SNAPC1: variants seen among roughly 807,000 people sequenced by gnomAD.
The protein encoded by SNAPC1 is small nuclear RNA activating complex polypeptide 1, also known as snRNA-activating protein complex subunit 1.
In SNAPC1, 42 loss-of-function variants were observed where a neutral mutation model predicts 50.1. The ratio of observed to expected loss-of-function variants is 0.84; its 90% confidence interval spans 0.65 to 1.08. The LOEUF is 1.08. Ranked by LOEUF, SNAPC1 falls within the 50% of genes least tolerant of loss-of-function variation. SNAPC1 has a pLI of 0.00. For synonymous variants in SNAPC1, 164 were observed against 144.2 expected (o/e 1.14, Z -0.98); for missense variants, 477 against 427.3 (o/e 1.12, Z -1.02).
At position 61,782,283 on chromosome 14, in the gene SNAPC1, G is replaced by C. The variant is rs771775109; in HGVS notation, c.862G>C (p.Asp288His). 9 of 1,607,976 alleles carry C rather than the reference G, an allele frequency of 5.6e-6. No individual in the cohort carries two copies. The highest frequency in any genetic ancestry group is 3.4e-5 in the Admixed American group (2 of 58,312). ...AAGAAGGCATCGTCAAGTCAAACTC[G>C]ACTCTTCTGACTCTGATTCTGCATC... ...KSRRHRQVKL[D>H]SSDSDSASGQ... Residue 288 changes from aspartate to histidine, a missense_variant, in exon 8 of 10, where the codon GAC becomes CAC. By Grantham distance (81) the Asp-to-His change is moderately conservative. Transcript: ENST00000216294.
intron 8 of SNAPC1, among the ~76,000 whole-genome samples, chr14:61,790,736 A>G (rs907077034): frequency 2.6e-5 from 4 of 152,078 alleles, no homozygotes; most frequent in Admixed American, 6.5e-5. Flanking sequence ...TCTGAATCCA[A>G]GCCTGATTCT....
At chr14:61,785,876 C>G (rs944802155) in intron 8 of SNAPC1, among the ~76,000 whole-genome samples, 16 of 151,860 alleles carry the variant, frequency 1.1e-4, no homozygotes, top group African/African-American at 3.6e-4. Context: ...AGAGGGATCA[C>G]TTTGAATAGA....
chr14:61,772,814 A>T (rs1484654570), intron 4 of SNAPC1, among the ~76,000 whole-genome samples: 1 of 152,080 alleles, frequency 6.6e-6, no homozygotes, highest in African/African-American at 2.4e-5. Flanking sequence ...ACAAAGGTCT[A>T]CTCTTTTAGA....
chr14:61,787,796 CCTT>C (rs1288666244), intron 8 of SNAPC1, among the ~76,000 whole-genome samples: 4 of 152,188 alleles, frequency 2.6e-5, no homozygotes, highest in Non-Finnish European at 5.9e-5. Flanking sequence ...AGTACGGAGT[CCTT>C]CTCAGGCCAT....
intron 3 of SNAPC1, among the ~76,000 whole-genome samples, chr14:61,767,914 G>C (rs1403576534): frequency 6.6e-6 from 1 of 152,114 alleles, no homozygotes; most frequent in Admixed American, 6.5e-5. Flanking sequence ...TGAGTAGCTG[G>C]GACTACAGGC....
chr14:61,767,030 C>T lies in SNAPC1; in HGVS notation c.283C>T (p.Gln95Ter). ...LYNTQLCQPK[Q>*]KIRVALKDWD... ...TAATACCCAACTGTGTCAACCAAAA[C>T]AAAAGGTAATACTTAGTGAGTTATT... Residue 95 changes from glutamine to a stop codon, truncating the protein, a stop_gained, in exon 2 of 10, where the codon CAA becomes TAA. Coordinates refer to ENST00000216294, the MANE Select transcript of SNAPC1 (RefSeq NM_003082.4). LOFTEE classifies it high-confidence loss of function. 1.9e-6 allele frequency: 3 copies of T among 1,560,754 alleles called. No homozygotes were observed. Among genetic ancestry groups the T allele is most frequent in the Non-Finnish European group, 2.6e-6 (3 of 1,150,360 alleles).
intron 3 of SNAPC1, among the ~76,000 whole-genome samples, chr14:61,767,661 A>G (rs2044958539): frequency 6.6e-6 from 1 of 152,100 alleles, no homozygotes; most frequent in East Asian, 1.9e-4. Context: ...ACAAGGTTTC[A>G]CCATGTTGTC....
intron 6 of SNAPC1, among the ~76,000 whole-genome samples, 171 bp downstream of exon 6, chr14:61,778,311 T>C (rs963302701): frequency 1.3e-5 from 2 of 152,110 alleles, no homozygotes; most frequent in African/African-American, 4.8e-5. Context: ...CAGGTGTAGA[T>C]TGGGAGAGAG....
At chr14:61,779,742 C>G (rs1221668127) in intron 7 of SNAPC1, among the ~76,000 whole-genome samples, 1 of 109,146 alleles carries the variant, frequency 9.2e-6, no homozygotes, top group Non-Finnish European at 1.8e-5. Flanking sequence ...GAGTTTTGCT[C>G]TTGTTGCCCA....
intron 1 of SNAPC1, among the ~76,000 whole-genome samples, chr14:61,763,347 C>G (rs186162515): frequency 5.9e-5 from 9 of 152,106 alleles, no homozygotes; most frequent in Non-Finnish European, 1.0e-4. Context: ...ACTTATTACT[C>G]TGTAGTGGTG....
At chr14:61,772,684 T>C (rs1437081939) in intron 4 of SNAPC1, among the ~76,000 whole-genome samples, 1 of 152,196 alleles carries the variant, frequency 6.6e-6, no homozygotes, top group Non-Finnish European at 1.5e-5. Context: ...GCCACCATGG[T>C]TGTCCGGTTT....
chr14:61,773,362 C>T (rs1434992336), intron 4 of SNAPC1, among the ~76,000 whole-genome samples: 1 of 148,756 alleles, frequency 6.7e-6, no homozygotes, highest in Non-Finnish European at 1.5e-5. Flanking sequence ...CACTAATTAT[C>T]ATAGTAACCC....
At chr14:61,788,316 T>C (rs1265619297) in intron 8 of SNAPC1, among the ~76,000 whole-genome samples, 1 of 152,232 alleles carries the variant, frequency 6.6e-6, no homozygotes, top group Non-Finnish European at 1.5e-5. Flanking sequence ...CCCAAATGCT[T>C]ACTTTGTAGT....
intron 8 of SNAPC1, 57 bp downstream of exon 8, chr14:61,782,454 C>A: frequency 5.1e-6 from 7 of 1,372,824 alleles, no homozygotes; most frequent in Non-Finnish European, 7.0e-6. Context: ...TTATTTACAA[C>A]TTTGCCTCAT....
At chr14:61,777,666 A>C (rs1166763442) in intron 5 of SNAPC1, among the ~76,000 whole-genome samples, 2 of 150,062 alleles carry the variant, frequency 1.3e-5, no homozygotes, top group African/African-American at 4.9e-5. Context: ...GCTGGTTTGG[A>C]ACTCCTGGCC....
At chr14:61,774,617 GCACT>G (rs1811562731) in intron 4 of SNAPC1, among the ~76,000 whole-genome samples, 2 of 144,970 alleles carry the variant, frequency 1.4e-5, no homozygotes, top group South Asian at 4.3e-4. Flanking sequence ...GCATATATGA[GCACT>G]CACTCACCAC....
In SNAPC1 at chr14:61,771,857, G is replaced by A. The variant is rs150565919; in HGVS notation, c.534+3117G>A. 2.1e-3 allele frequency among the ~76,000 whole-genome samples: 318 copies of A among 152,242 alleles called. 1 individual carries two copies. Among genetic ancestry groups the A allele is most frequent in the African/African-American group, 7.4e-3 (308 of 41,540 alleles). On this transcript the variant is annotated intron_variant, in intron 4 of 9. Coordinates refer to ENST00000216294, the MANE Select transcript of SNAPC1 (RefSeq NM_003082.4). The stretch of plus-strand genomic sequence containing the variant: ...TCTTTGTGTAGAGGAGAAATAGAAG[G>A]CAAACAGACCTGATTGCCTGAACTT...
intron 8 of SNAPC1, among the ~76,000 whole-genome samples, chr14:61,783,828 G>A (rs376814087): frequency 2.5e-4 from 38 of 152,080 alleles, no homozygotes; most frequent in Non-Finnish European, 3.1e-4. Flanking sequence ...GTGAGCCACC[G>A]CACCTGGCAA....
intron 1 of SNAPC1, among the ~76,000 whole-genome samples, chr14:61,764,044 C>T (rs1463910297): frequency 6.6e-6 from 1 of 152,150 alleles, no homozygotes; most frequent in Admixed American, 6.6e-5. Flanking sequence ...AAGAGATTCT[C>T]CTGCCTCAGC....
Sources: gnomAD v4.1 joint callset for allele counts (sites outside exome capture counted in the v4.1 genomes callset) on GRCh38, gnomAD v4.1.1 for gene constraint, MANE v1.5 for transcripts, NCBI Gene and HGNC (gene_info 2026-07-23, HGNC 2026-07-21) for gene names.